Variants in NCF4 observed in about 807,000 individuals in gnomAD.
The protein encoded by NCF4 is neutrophil cytosol factor 4.
In NCF4, 30 loss-of-function variants were observed where a neutral mutation model predicts 41.7. That is an observed-to-expected ratio of 0.72 (90% CI 0.54 to 0.97). The LOEUF is 0.97. Ranked by LOEUF, NCF4 falls within the 50% of genes least tolerant of loss-of-function variation. The probability of loss-of-function intolerance (pLI) is 0.00; values close to 1 mark genes in which losing one functional copy is unlikely to be tolerated. For missense variants in NCF4, 432 were observed against 460.9 expected (o/e 0.94, Z 0.57); for synonymous variants, 195 against 175.8 (o/e 1.11, Z -0.87).
chr22:36,866,375 T>C (rs922638773), intron 3 of NCF4, among the ~76,000 whole-genome samples: 2 of 152,120 alleles, frequency 1.3e-5, no homozygotes, highest in Non-Finnish European at 2.9e-5. Context: ...TCCAACCTCC[T>C]GAGGCACCAG....
chr22:36,872,718 G>GTTGGAGGTGAGATTGGAGGTGAGT (rs1940095736), intron 7 of NCF4, among the ~76,000 whole-genome samples: 1 of 144,688 alleles, frequency 6.9e-6, no homozygotes, highest in Non-Finnish European at 1.5e-5. Flanking sequence ...TGGAGGTGAG[G>GTTGGAGGTGAGATTGGAGGTGAGT]TTGGAGGTGA....
intron 7 of NCF4, among the ~76,000 whole-genome samples, chr22:36,872,674 G>C (rs1419771618): frequency 1.6e-5 from 2 of 128,422 alleles, no homozygotes; most frequent in African/African-American, 2.9e-5. Flanking sequence ...GGTGAGGATG[G>C]AGGTGAGATT....
chr22:36,877,946 G>C lies in NCF4; in HGVS notation c.*123G>C. The C allele has an allele frequency of 2.2e-6, 2 of 925,440 alleles. No individual in the cohort carries two copies. Among genetic ancestry groups the C allele is most frequent in the Non-Finnish European group, 1.6e-6 (1 of 610,778 alleles). 57.3% of individuals were successfully genotyped at this position (925,440 alleles called of 1,614,324 possible). ...TCCTGTCTTTGAGGCTAATGGACCC[G>C]TGGGGCTTGTAATCTGTCTCTTTCT... On this transcript the variant is annotated 3_prime_UTR_variant, in exon 10 of 10. Transcript: ENST00000248899.
intron 4 of NCF4, 24 bp from the exon 5 acceptor site, chr22:36,870,391 G>C (rs375530433): frequency 5.6e-6 from 9 of 1,613,356 alleles, no homozygotes; most frequent in South Asian, 1.1e-5. Flanking sequence ...CTACCCCACC[G>C]GTTCTGCTGT....
At chr22:36,867,526 G>A (rs1939957298) in intron 4 of NCF4, 64 bp downstream of exon 4, 2 of 1,551,074 alleles carry the variant, frequency 1.3e-6, no homozygotes, top group African/African-American at 2.7e-5. Flanking sequence ...GGGAGCCCAC[G>A]TACCATCCCT....
chr22:36,866,136 G>A (rs1049918783), intron 3 of NCF4, among the ~76,000 whole-genome samples: 5 of 151,954 alleles, frequency 3.3e-5, no homozygotes, highest in Non-Finnish European at 5.9e-5. Flanking sequence ...CTGAGCCTCC[G>A]TGCCCCCAGG....
In NCF4 at chr22:36,875,800, G is replaced by A. The variant is rs1940178457; in HGVS notation, c.758+17G>A. ...CACCATCAAGTCTGTGGCCTGGGAGGGAGGGGCCTGTCCAGCCTTCCTGCC... is the reference window on the plus strand; with the variant it reads ...CACCATCAAGTCTGTGGCCTGGGAGAGAGGGGCCTGTCCAGCCTTCCTGCC... On this transcript the variant is annotated intron_variant, in intron 8 of 9. Coordinates refer to ENST00000248899, the MANE Select transcript of NCF4 (RefSeq NM_000631.5). The A allele has an allele frequency of 1.2e-6, 2 of 1,614,048 alleles. No homozygotes were observed. The highest frequency in any genetic ancestry group is 2.2e-5 in the South Asian group (2 of 91,094).
intron 6 of NCF4, 80 bp downstream of exon 6, chr22:36,871,789 C>T: frequency 6.9e-7 from 1 of 1,443,578 alleles, no homozygotes. Context: ...CTGGGCCTCT[C>T]CTGCTGGGTG....
At chr22:36,867,361 G>A (rs933767319) in intron 3 of NCF4, 31 bp from the exon 4 acceptor site, 3 of 1,613,602 alleles carry the variant, frequency 1.9e-6, no homozygotes, top group African/African-American at 1.3e-5. Context: ...GTTGGGCCAG[G>A]CTCCTAGGAC....
In NCF4 at chr22:36,875,694, C is replaced by T. The variant is rs755594287; in HGVS notation, c.669C>T (p.Phe223=). The change falls in exon 8 of 10, where the codon TTC becomes TTT. Residue 223 remains phenylalanine (F), a synonymous_variant. Coordinates refer to ENST00000248899, the MANE Select transcript of NCF4 (RefSeq NM_000631.5). Reference sequence around the variant, plus strand: ...CCACGGGCATCTTCCCTCTCTCCTTCGTGAAGATCCTCAAAGACTTCCCTG... The same window carrying T: ...CCACGGGCATCTTCCCTCTCTCCTTTGTGAAGATCCTCAAAGACTTCCCTG... The part of the protein sequence containing the change: ...RGATGIFPLS[F]VKILKDFPEE... 2.3e-5 allele frequency: 37 copies of T among 1,613,112 alleles called. No individual in the cohort carries two copies. The highest frequency in any genetic ancestry group is 9.3e-6 in the Non-Finnish European group (11 of 1,180,042).
chr22:36,874,496 C>T (rs929545957), intron 7 of NCF4, among the ~76,000 whole-genome samples: 16 of 152,318 alleles, frequency 1.1e-4, no homozygotes, highest in African/African-American at 3.8e-4. Context: ...AGATCTCCAT[C>T]TCAGGAACTC....
intron 8 of NCF4, 34 bp from the exon 9 acceptor site, chr22:36,875,995 G>A (rs752634686): frequency 6.2e-7 from 1 of 1,613,908 alleles, no homozygotes; most frequent in East Asian, 2.2e-5. Context: ...CTTCCAGCCT[G>A]ATGCCTCCTT....
intron 4 of NCF4, among the ~76,000 whole-genome samples, chr22:36,869,017 T>C (rs1344413807): frequency 6.6e-6 from 1 of 152,202 alleles, no homozygotes; most frequent in East Asian, 1.9e-4. Flanking sequence ...TAATGACAAC[T>C]GCCTGGAACT....
rs2145710334 is a variant in NCF4, at chr22:36,867,449, A to ACGC, written c.331_333dup (p.Ala111dup). On this transcript the variant is annotated inframe_insertion, in exon 4 of 10. Coordinates refer to ENST00000248899, the MANE Select transcript of NCF4 (RefSeq NM_000631.5). ...GCCGAGATGCGGATACCTGCCCTCA[A>ACGC]CGCCTACATGAAGGTACCAGTGGGC... 6.2e-7 allele frequency: 1 copy of ACGC among 1,614,122 alleles called. No individual in the cohort carries two copies. The highest frequency in any genetic ancestry group is 8.5e-7 in the Non-Finnish European group (1 of 1,180,020).
chr22:36,863,984 G>T, intron 1 of NCF4, 61 bp from the exon 2 acceptor site: 4 of 1,485,742 alleles, frequency 2.7e-6, no homozygotes, highest in Non-Finnish European at 3.8e-6. Context: ...CCTCATACCC[G>T]GTGGGCCCAC....
chr22:36,868,407 C>A (rs1017941649), intron 4 of NCF4, among the ~76,000 whole-genome samples: 1 of 152,230 alleles, frequency 6.6e-6, no homozygotes, highest in Non-Finnish European at 1.5e-5. Context: ...CTGTCGAGAA[C>A]AGGATGAGAA....
At position 36,866,732 on chromosome 22, in the gene NCF4, T is replaced by G. The variant is rs189354125; in HGVS notation, c.272-660T>G. Among the ~76,000 whole-genome samples, 5 of 152,304 alleles carry G rather than the reference T, an allele frequency of 3.3e-5. No individual in the cohort carries two copies. The South Asian group carries it at 6.2e-4, about 19-fold the overall frequency. On this transcript the variant is annotated intron_variant, in intron 3 of 9. Transcript: ENST00000248899. Reference sequence around the variant, plus strand: ...GAATGGTTCCACCAGTGCGCCCACATGAAGGCACCTGGAGGGGACATTTGT... The same window carrying G: ...GAATGGTTCCACCAGTGCGCCCACAGGAAGGCACCTGGAGGGGACATTTGT...
Position 36,867,428 on chromosome 22 carries a change from A to T in NCF4, c.308A>T (p.Glu103Val). 6.2e-7 allele frequency: 1 copy of T among 1,614,164 alleles called. No homozygotes were observed. The stretch of plus-strand genomic sequence containing the variant: ...GTGGGTGTGAAACAGGAGATCGCCG[A>T]GATGCGGATACCTGCCCTCAACGCC... The part of the protein sequence containing the change: ...VYVGVKQEIA[E>V]MRIPALNAYM... The change falls in exon 4 of 10, where the codon GAG becomes GTG. Residue 103 changes from glutamate (E) to valine (V), a missense_variant. By Grantham distance (121) the Glu-to-Val change is moderately radical (BLOSUM62 -2). Transcript: ENST00000248899.
Position 36,875,894 on chromosome 22 carries a change from G to A in NCF4, c.758+111G>A, listed in dbSNP as rs771778428. ...CTCTCCCACTCCAAAGCCCCCAGTG[G>A]CTCCCAGATGAGCCACAATGCTGTA... On this transcript the variant is annotated intron_variant, in intron 8 of 9. Transcript: ENST00000248899. 3.1e-6 allele frequency: 5 copies of A among 1,614,140 alleles called. No individual in the cohort carries two copies. In the South Asian group the frequency reaches 5.5e-5, roughly 18 times the overall value.
Sources: allele counts gnomAD v4.1 joint callset (sites outside exome capture counted in the v4.1 genomes callset), GRCh38; gene constraint gnomAD v4.1.1; transcripts MANE v1.5; gene names NCBI Gene and HGNC (gene_info 2026-07-23, HGNC 2026-07-21).